The following AKR1C4 variants were observed in gnomAD, a reference collection of about 807,000 sequenced individuals.
AKR1C4 encodes the protein 3-alpha-HSD1.
In AKR1C4, 44 loss-of-function variants were observed where a neutral mutation model predicts 41.0. The observed-to-expected ratio is 1.07, with a 90% CI of 0.84 to 1.38. The LOEUF is 1.38. Among genes scored for constraint, AKR1C4 ranks in the 40% most tolerant of loss-of-function variants. The pLI is 0.00. For synonymous variants in AKR1C4, 165 were observed against 137.7 expected, an observed-to-expected ratio of 1.20 and a Z score of -1.39; for missense variants, 438 against 387.9, an observed-to-expected ratio of 1.13 and a Z score of -1.09.
intron 2 of AKR1C4, among the ~76,000 whole-genome samples, chr10:5,202,173 T>C (rs1480863664): frequency 6.6e-6 from 1 of 152,188 alleles, no homozygotes; most frequent in African/African-American, 2.4e-5. Context: ...TGTGTTTCCA[T>C]TTGTTTATGT....
intron 7 of AKR1C4, among the ~76,000 whole-genome samples, chr10:5,215,890 T>C (rs974015326): frequency 1.3e-5 from 2 of 152,188 alleles, no homozygotes; most frequent in African/African-American, 4.8e-5. Context: ...CTGTGCTAAT[T>C]ATCCAGTTCT....
intron 1 of AKR1C4, 95 bp from the exon 2 acceptor site, chr10:5,200,086 C>G: frequency 1.3e-6 from 2 of 1,498,686 alleles, no homozygotes; most frequent in South Asian, 1.3e-5. Context: ...AGCCACACCC[C>G]CACTGCACAC....
chr10:5,212,866 T>A (rs1554798090), intron 6 of AKR1C4, 128 bp from the exon 7 acceptor site: 1 of 1,397,602 alleles, frequency 7.2e-7, no homozygotes, highest in African/African-American at 1.4e-5. Context: ...TACCAGGTGA[T>A]GCTGCTGCTG....
At chr10:5,209,843 ACACATAGC>A (rs149059878) in intron 5 of AKR1C4, among the ~76,000 whole-genome samples, 7,134 of 152,198 alleles carry the variant, frequency 0.047, 256 homozygotes, top group African/African-American at 0.11. Context: ...TTGGGTGGGG[ACACATAGC>A]CAAACCATAT....
At chr10:5,216,862 G>A in intron 8 of AKR1C4, 69 bp downstream of exon 8, 1 of 1,121,218 alleles carries the variant, frequency 8.9e-7, no homozygotes, top group Admixed American at 2.0e-5. Context: ...GGTGTTGAAA[G>A]TGACCTCAAT....
At chr10:5,215,978 CGT>C (rs1832650757) in intron 7 of AKR1C4, among the ~76,000 whole-genome samples, 3 of 152,008 alleles carry the variant, frequency 2.0e-5, no homozygotes, top group Non-Finnish European at 4.4e-5. Flanking sequence ...GTCCATTGTG[CGT>C]TGCTATAAAG....
Position 5,212,708 on chromosome 10 carries a change from C to A in AKR1C4, c.663C>A (p.Thr221=). The part of the protein sequence containing the change: ...IVLVAHSALG[T]QRHKLWVDPN... ...TGGTTGCCCACAGTGCTCTGGGAAC[C>A]CAACGACATAAACTATGGTAATAAG... Residue 221 remains threonine, a synonymous_variant, in exon 6 of 9, where the codon ACC becomes ACA. Transcript: ENST00000263126. 1 of 1,612,374 alleles carries A rather than the reference C, an allele frequency of 6.2e-7. No homozygotes were observed. Among genetic ancestry groups the A allele is most frequent in the Non-Finnish European group, 8.5e-7 (1 of 1,179,566 alleles).
At chr10:5,210,638 C>G (rs1004164136) in intron 5 of AKR1C4, among the ~76,000 whole-genome samples, 39 of 149,398 alleles carry the variant, frequency 2.6e-4, no homozygotes, top group African/African-American at 9.2e-4. Context: ...TGGAGTCTCA[C>G]TCTGTCACCC....
intron 5 of AKR1C4, among the ~76,000 whole-genome samples, chr10:5,211,486 G>T (rs1346113085): frequency 6.6e-6 from 1 of 151,936 alleles, no homozygotes; most frequent in Non-Finnish European, 1.5e-5. Flanking sequence ...GTCAATTTCT[G>T]CTAAAACATA....
chr10:5,209,081 T>C (rs1384034476), intron 5 of AKR1C4, among the ~76,000 whole-genome samples: 1 of 152,228 alleles, frequency 6.6e-6, no homozygotes, highest in Non-Finnish European at 1.5e-5. Flanking sequence ...GCTGTATCCC[T>C]GAAATTATAC....
intron 7 of AKR1C4, among the ~76,000 whole-genome samples, chr10:5,215,644 A>G (rs782042355): frequency 6.6e-6 from 1 of 152,248 alleles, no homozygotes; most frequent in Non-Finnish European, 1.5e-5. Context: ...TCAGACTTCC[A>G]CAAAGTCCTG....
chr10:5,209,590 T>C (rs1238210318), intron 5 of AKR1C4, among the ~76,000 whole-genome samples: 2 of 152,202 alleles, frequency 1.3e-5, no homozygotes, highest in South Asian at 2.1e-4. Context: ...AGTTCCAATA[T>C]GGCTGAGGAG....
chr10:5,214,099 C>A (rs1379854170), intron 7 of AKR1C4, among the ~76,000 whole-genome samples: 2 of 151,536 alleles, frequency 1.3e-5, no homozygotes, highest in African/African-American at 4.8e-5. Context: ...TATTAATGTG[C>A]TTTTATAAAC....
At position 5,206,287 on chromosome 10, in the gene AKR1C4, T is replaced by C. The variant is rs1554797477; in HGVS notation, c.460T>C (p.Cys154Arg). 9.3e-6 allele frequency: 15 copies of C among 1,613,902 alleles called. No individual in the cohort carries two copies. The highest frequency in any genetic ancestry group is 5.3e-5 in the African/African-American group (4 of 74,892). ...LSATWEVMEK[C>R]KDAGLAKSIG... ...CCTTTCTCCCCAGGTCATGGAGAAG[T>C]GTAAGGATGCAGGATTGGCCAAGTC... The change falls in exon 5 of 9, where the codon TGT (cysteine) becomes CGT (arginine). Residue 154 changes from cysteine (C) to arginine (R), a missense_variant. Cys to Arg is a radical substitution (Grantham distance 180). Transcript: ENST00000263126.
intron 5 of AKR1C4, 30 bp downstream of exon 5, chr10:5,206,427 C>T: frequency 6.2e-7 from 1 of 1,613,766 alleles, no homozygotes; most frequent in Non-Finnish European, 8.5e-7. Flanking sequence ...TCTCCTTTCT[C>T]TTCTCAATGT....
intron 5 of AKR1C4, among the ~76,000 whole-genome samples, chr10:5,210,243 T>C (rs1041753812): frequency 6.6e-6 from 1 of 152,194 alleles, no homozygotes; most frequent in South Asian, 2.1e-4. Context: ...TTTACATCCA[T>C]GCTGATGTAA....
chr10:5,206,365 C>G lies in AKR1C4; in HGVS notation c.538C>G (p.Pro180Ala), dbSNP rs1554797490. 6.2e-7 allele frequency: 1 copy of G among 1,614,070 alleles called. No homozygotes were observed. Among genetic ancestry groups the G allele is most frequent in the Admixed American group, 1.7e-5 (1 of 59,994 alleles). Residue 180 changes from proline to alanine, a missense_variant, in exon 5 of 9, where the codon CCA becomes GCA. Pro to Ala is a conservative substitution (Grantham distance 27). Coordinates refer to ENST00000263126, the MANE Select transcript of AKR1C4 (RefSeq NM_001818.5). Reference sequence around the variant, plus strand: ...GCAGCTGGAGATGATCCTCAACAAGCCAGGACTCAAGTACAAGCCTGTCTG... The same window carrying G: ...GCAGCTGGAGATGATCCTCAACAAGGCAGGACTCAAGTACAAGCCTGTCTG... The part of the protein sequence containing the change: ...CRQLEMILNK[P>A]GLKYKPVCNQ...
At chr10:5,208,311 A>G (rs1554797650) in intron 5 of AKR1C4, among the ~76,000 whole-genome samples, 1 of 151,630 alleles carries the variant, frequency 6.6e-6, no homozygotes, top group African/African-American at 2.4e-5. Flanking sequence ...ACATGTATTT[A>G]AAATTTATGT....
chr10:5,205,909 A>ACATTGGAATATGCAC, intron 4 of AKR1C4, 75 bp downstream of exon 4: 1 of 1,394,178 alleles, frequency 7.2e-7, no homozygotes, highest in South Asian at 1.3e-5. Flanking sequence ...TTCATATGCA[A>ACATTGGAATATGCAC]CATTGGAATA....
Sources: allele counts gnomAD v4.1 joint callset (sites outside exome capture counted in the v4.1 genomes callset), GRCh38; gene constraint gnomAD v4.1.1; transcripts MANE v1.5; gene names NCBI Gene and HGNC (gene_info 2026-07-23, HGNC 2026-07-21).